The following C4orf50 variants were observed in gnomAD, a reference collection of about 807,000 sequenced individuals.
C4orf50 encodes the protein chromosome 4 open reading frame 50, also known as uncharacterized protein C4orf50.
A neutral mutation model predicts 77.2 loss-of-function variants in C4orf50; 80 were observed. That is an observed-to-expected ratio of 1.04 (90% confidence interval 0.87 to 1.25). The LOEUF is 1.25. C4orf50 is among the 50% of genes most tolerant of loss of function. The probability of loss-of-function intolerance (pLI) is 0.00; values close to 1 mark genes in which losing one functional copy is unlikely to be tolerated. For synonymous variants in C4orf50, 532 were observed against 465.3 expected (o/e 1.14, Z -1.84); for missense variants, 1,257 against 1,152.9 (o/e 1.09, Z -1.31).
intron 7 of C4orf50, chr4:5,904,467 G>A (rs1402509815): frequency 6.6e-6 from 1 of 152,256 alleles, no homozygotes; most frequent in African/African-American, 2.4e-5. Context: ...GCTGGGTGTG[G>A]AAGCTTCCTG....
chr4:5,921,063 C>A (rs990490813), intron 7 of C4orf50, among the ~76,000 whole-genome samples: 1 of 152,182 alleles, frequency 6.6e-6, no homozygotes, highest in African/African-American at 2.4e-5. Flanking sequence ...GACCTGAGAC[C>A]TTGATACCTG....
rs1722355474 is a variant in C4orf50, at chr4:6,008,647, T to G, written c.427-115A>C. On this transcript the variant is annotated intron_variant, in intron 24 of 33. Coordinates refer to ENST00000531445, the Ensembl canonical transcript of C4orf50. This position sits in a 1 kb window ranked among gnomAD's most constrained non-coding sequence, Gnocchi z 6.0. Reference sequence around the variant, plus strand: ...TTTTGTGCATGGTGCGTTTTTGCATTTTGTGCATTGTAATAGTGCATCAAA... The same window carrying G: ...TTTTGTGCATGGTGCGTTTTTGCATGTTGTGCATTGTAATAGTGCATCAAA... The G allele has an allele frequency of 2.5e-6, 1 of 392,606 alleles. No individual in the cohort carries two copies. Among genetic ancestry groups the G allele is most frequent in the Admixed American group, 4.4e-5 (1 of 22,504 alleles). The allele number at this position is 392,606 out of a possible 1,614,324, so 24.3% of individuals were successfully genotyped here. A position where few individuals can be genotyped will look rare whatever the true frequency, so the allele number is the denominator to read the frequency against.
chr4:5,921,080 C>A (rs1349741345), intron 7 of C4orf50, among the ~76,000 whole-genome samples: 1 of 152,216 alleles, frequency 6.6e-6, no homozygotes, highest in African/African-American at 2.4e-5. Context: ...CCTGAGCAAG[C>A]AGCTGGTCCA....
exon 29 of C4orf50, chr4:5,980,261 G>T (rs758819419): frequency 1.2e-6 from 2 of 1,612,734 alleles, no homozygotes; most frequent in Non-Finnish European, 1.7e-6. Context: ...GGCACTGCAG[G>T]GTCAGCACCC....
chr4:5,991,642 T>C (rs1224536016), intron 27 of C4orf50, among the ~76,000 whole-genome samples: 2 of 151,992 alleles, frequency 1.3e-5, no homozygotes, highest in African/African-American at 4.8e-5. Context: ...CAGGGGCTCC[T>C]CCCAGACCTG....
At position 6,011,595 on chromosome 4, in the gene C4orf50, T is replaced by C. The variant is rs1251446674; in HGVS notation, c.426+235A>G. Among the ~76,000 whole-genome samples, 1 of 152,130 alleles carries C rather than the reference T, an allele frequency of 6.6e-6. No individual in the cohort carries two copies. The highest frequency in any genetic ancestry group is 1.5e-5 in the Non-Finnish European group (1 of 68,010). ...CTGTCCTCAGTCTGTGGCCTGGCGC[T>C]GAGGTCCTCAGGCACAAGAGCTTCC... On this transcript the variant is annotated intron_variant, in intron 24 of 33. Coordinates refer to ENST00000531445, the Ensembl canonical transcript of C4orf50. The surrounding 1 kb of genome is among the most constrained non-coding windows in gnomAD (Gnocchi z 4.2).
intron 33 of C4orf50, among the ~76,000 whole-genome samples, chr4:5,963,396 TAAG>T (rs947118106): frequency 2.0e-5 from 3 of 152,164 alleles, no homozygotes; most frequent in African/African-American, 7.2e-5. Context: ...TATTACTAGA[TAAG>T]AAGTCATTTA....
chr4:5,984,821 A>C (rs963531445), intron 28 of C4orf50, among the ~76,000 whole-genome samples: 2 of 151,852 alleles, frequency 1.3e-5, no homozygotes, highest in African/African-American at 2.4e-5. Flanking sequence ...GTCTGACAGA[A>C]AAGACAAAAA....
At position 5,970,604 on chromosome 4, in the gene C4orf50, G is replaced by T. The variant is rs953130825; in HGVS notation, c.4104+3055C>A. Among the ~76,000 whole-genome samples, 77 of 152,196 alleles carry T rather than the reference G, an allele frequency of 5.1e-4. No individual in the cohort carries two copies. Among genetic ancestry groups the T allele is most frequent in the African/African-American group, 1.8e-3 (74 of 41,438 alleles). ...CACATGCCTGCAGAAAGGGCACTGG[G>T]GCCAAACCGACTCTGAGGCTCAATT... On this transcript the variant is annotated intron_variant, in intron 31 of 33. Transcript: ENST00000531445. This position sits in a 1 kb window ranked among gnomAD's most constrained non-coding sequence, Gnocchi z 4.3.
At chr4:5,988,824 G>A (rs58136927) in exon 28 of C4orf50, 349,122 of 1,535,816 alleles carry the variant, frequency 0.23, 44,975 homozygotes, top group East Asian at 0.63. Context: ...TTCCTAGCAC[G>A]ATATCCTTTA....
intron 24 of C4orf50, among the ~76,000 whole-genome samples, chr4:6,010,966 C>A (rs1248501273): frequency 6.6e-6 from 1 of 152,210 alleles, no homozygotes; most frequent in Non-Finnish European, 1.5e-5. Flanking sequence ...GATGAGGAAA[C>A]TGAGGCCCAG....
At chr4:5,922,992 A>G (rs1256577352) in intron 7 of C4orf50, among the ~76,000 whole-genome samples, 1 of 152,136 alleles carries the variant, frequency 6.6e-6, no homozygotes, top group Non-Finnish European at 1.5e-5. Flanking sequence ...TTTTGACAGC[A>G]CTTCAGCATT....
At chr4:5,898,559 C>T (rs1004621538) in intron 7 of C4orf50, 25 of 152,234 alleles carry the variant, frequency 1.6e-4, no homozygotes, top group African/African-American at 6.0e-4. Context: ...AACTCACTCT[C>T]CTACTGCTGT....
At chr4:5,935,532 G>C (rs545575604) in intron 7 of C4orf50, among the ~76,000 whole-genome samples, 55 of 152,114 alleles carry the variant, frequency 3.6e-4, no homozygotes, top group African/African-American at 1.3e-3. Flanking sequence ...TCATGACTGT[G>C]ATCCCAGCAC....
At position 5,992,308 on chromosome 4, in the gene C4orf50, G is replaced by C. The variant is rs1721334472; in HGVS notation, c.1221+495C>G. On this transcript the variant is annotated intron_variant, in intron 27 of 33. Transcript: ENST00000531445. The surrounding 1 kb of genome is among the most constrained non-coding windows in gnomAD (Gnocchi z 5.0). ...GCACAGCTCTGTTCCTCAGGGATGA[G>C]AAAATGGAAGTGGAGAAAGGTTACG... 6.6e-6 allele frequency among the ~76,000 whole-genome samples: 1 copy of C among 152,188 alleles called. No homozygotes were observed. The highest frequency in any genetic ancestry group is 6.5e-5 in the Admixed American group (1 of 15,286).
At chr4:5,953,493 C>T (rs1257676499), downstream of C4orf50, among the ~76,000 whole-genome samples, 3 of 152,182 alleles carry the variant, frequency 2.0e-5, no homozygotes, top group African/African-American at 4.8e-5. Context: ...AAAGGAGGAT[C>T]CAGGATGCAG....
At chr4:5,907,241 G>A (rs1716590405) in intron 7 of C4orf50, among the ~76,000 whole-genome samples, 1 of 152,298 alleles carries the variant, frequency 6.6e-6, no homozygotes, top group African/African-American at 2.4e-5. Flanking sequence ...TATAGATACT[G>A]CATTCACCAA....
At position 5,996,588 on chromosome 4, in the gene C4orf50, G is replaced by C. The variant is rs532161518; in HGVS notation, c.964-2112C>G. Among the ~76,000 whole-genome samples the C allele has an allele frequency of 2.6e-4, 39 of 152,278 alleles. No individual in the cohort carries two copies. The South Asian group carries it at 6.8e-3, about 27-fold the overall frequency. On this transcript the variant is annotated intron_variant, in intron 25 of 33. Coordinates refer to ENST00000531445, the Ensembl canonical transcript of C4orf50. ...CCCTTCTGGGACCTGCTTAAAGGCCGATCTTTAATGAGGCCTTCTTTGGCC... is the reference window on the plus strand; with the variant it reads ...CCCTTCTGGGACCTGCTTAAAGGCCCATCTTTAATGAGGCCTTCTTTGGCC...
At chr4:6,004,012 T>A (rs1446421666) in intron 25 of C4orf50, among the ~76,000 whole-genome samples, 1 of 130,076 alleles carries the variant, frequency 7.7e-6, no homozygotes, top group Non-Finnish European at 1.6e-5. Flanking sequence ...ATGGTGATGA[T>A]GTGATGGTGA....
Sources: allele counts gnomAD v4.1 joint callset (sites outside exome capture counted in the v4.1 genomes callset), GRCh38; gene constraint gnomAD v4.1.1; non-coding constraint Gnocchi (gnomAD v3.1); transcripts MANE v1.5; gene names NCBI Gene and HGNC (gene_info 2026-07-23, HGNC 2026-07-21).